The following KIF20B variants were observed in gnomAD, a reference collection of about 807,000 sequenced individuals.
The protein encoded by KIF20B is kinesin family member 20B.
In KIF20B, 188 loss-of-function variants were observed where a neutral mutation model predicts 232.5. The observed-to-expected ratio is 0.81, with a 90% CI of 0.72 to 0.91. KIF20B has a LOEUF of 0.91. Among genes scored for constraint, KIF20B ranks in the 40% least tolerant of loss-of-function variants. The pLI is 0.00. For missense variants in KIF20B, 2,154 were observed against 2,055.9 expected (o/e 1.05, Z -0.92); for synonymous variants, 712 against 683.0 (o/e 1.04, Z -0.66).
intron 1 of KIF20B, among the ~76,000 whole-genome samples, chr10:89,703,571 G>A (rs1168569243): frequency 6.6e-6 from 1 of 152,076 alleles, no homozygotes; most frequent in Non-Finnish European, 1.5e-5. Flanking sequence ...AACTCTCAAG[G>A]GCAGCAGTGG....
At position 89,746,089 on chromosome 10, in the gene KIF20B, G is replaced by A. The variant is rs1841904062; in HGVS notation, c.4096+130G>A. The A allele has an allele frequency of 5.9e-5, 40 of 676,172 alleles. No individual in the cohort carries two copies. In the South Asian group the frequency reaches 6.9e-4, roughly 12 times the overall value. The allele number at this position is 676,172 out of a possible 1,614,324, so 41.9% of individuals were successfully genotyped here. On this transcript the variant is annotated intron_variant, in intron 23 of 32. Transcript: ENST00000371728. ...ACCCCTAGGGGGAGCATGCAGACGG[G>A]CAGGTCTTGAGTGTGGGCTCTGACC... is the stretch of plus-strand genomic sequence containing the variant.
At chr10:89,720,182 C>T (rs982103216) in intron 13 of KIF20B, among the ~76,000 whole-genome samples, 19 of 152,134 alleles carry the variant, frequency 1.2e-4, no homozygotes, top group African/African-American at 4.6e-4. Context: ...AGAGTTAACA[C>T]ATTGCTTTTG....
chr10:89,736,633 CA>C (rs1307667610), intron 19 of KIF20B, among the ~76,000 whole-genome samples: 1 of 151,882 alleles, frequency 6.6e-6, no homozygotes, highest in Admixed American at 6.6e-5. Flanking sequence ...TAGCAATATA[CA>C]TATTAAGCCT....
intron 29 of KIF20B, among the ~76,000 whole-genome samples, chr10:89,764,650 T>C (rs1464617934): frequency 5.3e-5 from 8 of 152,096 alleles, no homozygotes; most frequent in African/African-American, 1.9e-4. Context: ...TGGCCAGTGA[T>C]GATGAGCATT....
At chr10:89,707,558 C>G (rs910211167) in intron 2 of KIF20B, among the ~76,000 whole-genome samples, 6 of 148,850 alleles carry the variant, frequency 4.0e-5, no homozygotes, top group African/African-American at 1.2e-4. Context: ...TCTTTCTTTC[C>G]CTTCTTCCCT....
chr10:89,731,535 A>G (rs1843319351), intron 18 of KIF20B, among the ~76,000 whole-genome samples: 1 of 152,212 alleles, frequency 6.6e-6, no homozygotes. Flanking sequence ...AACTCTTTCC[A>G]ATAATGAAAA....
chr10:89,703,529 T>C (rs1250266562), intron 1 of KIF20B, among the ~76,000 whole-genome samples: 1 of 152,150 alleles, frequency 6.6e-6, no homozygotes, highest in Non-Finnish European at 1.5e-5. Context: ...GCCTAAATGA[T>C]GTTGCACAGT....
At chr10:89,705,566 AT>A in intron 2 of KIF20B, 125 bp downstream of exon 2, 2 of 767,146 alleles carry the variant, frequency 2.6e-6, no homozygotes, top group Non-Finnish European at 4.0e-6. Context: ...TTGTTTTTAT[AT>A]TTTTAAATAG....
In KIF20B at chr10:89,745,917, A is replaced by G; in HGVS notation, c.4054A>G (p.Lys1352Glu). 1 of 1,608,506 alleles carries G rather than the reference A, an allele frequency of 6.2e-7. No individual in the cohort carries two copies. Among genetic ancestry groups the G allele is most frequent in the South Asian group, 1.1e-5 (1 of 90,968 alleles). Residue 1352 changes from lysine to glutamate, a missense_variant, in exon 23 of 33, where the codon AAA becomes GAA. Lys to Glu is a moderately conservative substitution (Grantham distance 56). Transcript: ENST00000371728. ...TTTGTAGGAGCAGTTAAATAATCAG[A>G]AAGTGGAAGAAGCTATACAACAGTA... ...QQLKEQLNNQKVEEAIQQYER... is the reference protein window; with the variant it reads ...QQLKEQLNNQEVEEAIQQYER...
intron 1 of KIF20B, among the ~76,000 whole-genome samples, chr10:89,704,297 T>C (rs553316030): frequency 6.6e-6 from 1 of 152,282 alleles, no homozygotes; most frequent in East Asian, 1.9e-4. Flanking sequence ...AGAGTCCTCC[T>C]CCTCTCTCTG....
intron 2 of KIF20B, 64 bp downstream of exon 2, chr10:89,705,505 A>T: frequency 6.8e-7 from 1 of 1,479,392 alleles, no homozygotes; most frequent in Non-Finnish European, 9.2e-7. Flanking sequence ...GTTGGCAAAC[A>T]ATGGCCTGTT....
At position 89,752,865 on chromosome 10, in the gene KIF20B, G is replaced by A. The variant is rs562139732; in HGVS notation, c.4347+174G>A. On this transcript the variant is annotated intron_variant, in intron 25 of 32. Transcript: ENST00000371728. ...TCAGTGCACATTGAAATGACATGGGGAAGAAATTCCAAGATATAGCCTATT... is the reference window on the plus strand; with the variant it reads ...TCAGTGCACATTGAAATGACATGGGAAAGAAATTCCAAGATATAGCCTATT... 1.1e-4 allele frequency among the ~76,000 whole-genome samples: 16 copies of A among 152,262 alleles called. No individual in the cohort carries two copies. In the South Asian group the frequency reaches 3.1e-3, roughly 30 times the overall value.
In KIF20B at chr10:89,716,230, T is replaced by C. The variant is rs543362184; in HGVS notation, c.941-206T>C. Among the ~76,000 whole-genome samples the C allele has an allele frequency of 1.8e-3, 271 of 152,332 alleles. 2 individuals carry two copies. Among genetic ancestry groups the C allele is most frequent in the African/African-American group, 6.2e-3 (257 of 41,578 alleles). On this transcript the variant is annotated intron_variant, in intron 8 of 32. Coordinates refer to ENST00000371728, the MANE Select transcript of KIF20B (RefSeq NM_001284259.2). ...AGACTCTGTTGACAAACATTTATTTTGTGTGTTTGTGTAATTTACATTCTA... is the reference window on the plus strand; with the variant it reads ...AGACTCTGTTGACAAACATTTATTTCGTGTGTTTGTGTAATTTACATTCTA...
intron 29 of KIF20B, among the ~76,000 whole-genome samples, chr10:89,768,063 C>T (rs140649131): frequency 6.6e-5 from 10 of 152,140 alleles, no homozygotes; most frequent in Non-Finnish European, 1.3e-4. Context: ...TGTTTAACAG[C>T]ATTCCTGACC....
rs772897647 is a variant in KIF20B at position 89,726,972 on chromosome 10, A to AT, written c.2230+463dup. 9.1e-3 allele frequency among the ~76,000 whole-genome samples: 1,302 copies of AT among 142,298 alleles called. 10 individuals carry two copies. Among genetic ancestry groups the AT allele is most frequent in the Middle Eastern group, 0.014 (4 of 280 alleles). 93.4% of individuals were successfully genotyped at this position (142,298 alleles called of 152,430 possible). A position where few individuals can be genotyped will look rare whatever the true frequency, so the allele number is the denominator to read the frequency against. The stretch of plus-strand genomic sequence containing the variant: ...AAGTGTGCACTACCACAGCGGCTGC[A>AT]TTTTTTTTTTTTCTTTTTTGTAGAG... On this transcript the variant is annotated intron_variant, in intron 16 of 32. Transcript: ENST00000371728.
rs745562196 is a variant in KIF20B at position 89,726,406 on chromosome 10, C to T, written c.2115C>T (p.Asp705=). 7 of 1,590,470 alleles carry T rather than the reference C, an allele frequency of 4.4e-6. No homozygotes were observed. The East Asian group carries it at 1.6e-4, about 36-fold the overall frequency. The change falls in exon 16 of 33, where the codon GAC becomes GAT. Residue 705 remains aspartate (D), a synonymous_variant. Transcript: ENST00000371728. ...IAHLYIASLP[D]PQEATACLEL... ...ACTTATATATTGCATCTCTTCCTGA[C>T]CCCCAGGAAGCTACTGCTTGTTTAG...
At chr10:89,722,968 C>T (rs76518091) in intron 13 of KIF20B, among the ~76,000 whole-genome samples, 4,111 of 152,092 alleles carry the variant, frequency 0.027, 357 homozygotes, top group East Asian at 0.27. Flanking sequence ...TCATTGATTA[C>T]GGTAGTTTAT....
chr10:89,749,182 T>C (rs949296026), intron 23 of KIF20B, among the ~76,000 whole-genome samples: 3 of 152,200 alleles, frequency 2.0e-5, no homozygotes, highest in African/African-American at 7.2e-5. Flanking sequence ...TATCTTTTTT[T>C]AAAATTATTT....
chr10:89,754,648 GTTT>G lies in KIF20B; in HGVS notation c.4483_4485del (p.Phe1495del). 6.3e-7 allele frequency: 1 copy of G among 1,581,614 alleles called. No individual in the cohort carries two copies. The highest frequency in any genetic ancestry group is 8.6e-7 in the Non-Finnish European group (1 of 1,166,476). ...AAAAAATATGCTGAGGACAGGGAGC[GTTT>G]TTTTAAGCAACAGAATGAAATGGTT... is the stretch of plus-strand genomic sequence containing the variant. On this transcript the variant is annotated inframe_deletion, in exon 26 of 33. Transcript: ENST00000371728.
Sources: gnomAD v4.1 joint callset for allele counts (sites outside exome capture counted in the v4.1 genomes callset) on GRCh38, gnomAD v4.1.1 for gene constraint, MANE v1.5 for transcripts, NCBI Gene and HGNC (gene_info 2026-07-23, HGNC 2026-07-21) for gene names.